The following ANKRD55 variants were observed in gnomAD, a reference collection of about 807,000 sequenced individuals.
ANKRD55 encodes the protein ankyrin repeat domain-containing protein 55.
In ANKRD55, 41 loss-of-function variants were observed where a neutral mutation model predicts 60.6. The observed-to-expected ratio is 0.68, with a 90% CI of 0.53 to 0.88. The LOEUF (loss-of-function observed/expected upper bound fraction) is 0.88. Among genes scored for constraint, ANKRD55 ranks in the 40% least tolerant of loss-of-function variants. The pLI is 0.00. For missense variants in ANKRD55, 732 were observed against 767.6 expected, an observed-to-expected ratio of 0.95 and a Z score of 0.55; for synonymous variants, 264 against 290.3, an observed-to-expected ratio of 0.91 and a Z score of 0.92.
rs1228528929 is a variant in ANKRD55 at position 56,116,721 on chromosome 5, A to G, written c.859T>C (p.Leu287=). The part of the protein sequence containing the change: ...KAECVQSLLE[L]GMDSNLRDIN... ...TCCCGCAGGTTGCTGTCCATTCCCA[A>G]CTCCAGCAGTGACTGGACACATTCG... is the stretch of plus-strand genomic sequence containing the variant. The change falls in exon 9 of 12, where the codon TTG becomes CTG. Residue 287 remains leucine (L), a synonymous_variant. Coordinates refer to ENST00000341048, the MANE Select transcript of ANKRD55 (RefSeq NM_024669.3). The G allele has an allele frequency of 3.1e-6, 5 of 1,613,852 alleles. No homozygotes were observed. The highest frequency in any genetic ancestry group is 2.2e-5 in the East Asian group (1 of 44,834).
chr5:56,219,457 C>G (rs1362278612), intron 2 of ANKRD55, among the ~76,000 whole-genome samples: 1 of 152,144 alleles, frequency 6.6e-6, no homozygotes, highest in Non-Finnish European at 1.5e-5. Context: ...CATTAATGAG[C>G]AAGTGCCCTT....
At chr5:56,227,179 T>C (rs1298215413) in intron 2 of ANKRD55, among the ~76,000 whole-genome samples, 3 of 152,046 alleles carry the variant, frequency 2.0e-5, no homozygotes, top group African/African-American at 7.2e-5. Context: ...TGAGTTCATG[T>C]CCTTTGTAAG....
intron 2 of ANKRD55, among the ~76,000 whole-genome samples, chr5:56,191,806 C>T (rs548720470): frequency 6.6e-6 from 1 of 152,240 alleles, no homozygotes; most frequent in East Asian, 1.9e-4. Context: ...TAAACCACAG[C>T]ACAACAAGGA....
chr5:56,109,748 G>A (rs528693469), intron 10 of ANKRD55, among the ~76,000 whole-genome samples: 7 of 152,224 alleles, frequency 4.6e-5, no homozygotes, highest in Admixed American at 2.0e-4. Flanking sequence ...TATGCCAGGC[G>A]CGGTGGCTCA....
chr5:56,140,291 C>T (rs1204844433), intron 7 of ANKRD55, among the ~76,000 whole-genome samples: 2 of 152,158 alleles, frequency 1.3e-5, no homozygotes, highest in Non-Finnish European at 2.9e-5. Flanking sequence ...TGGAATTACC[C>T]TCAGTCTTTG....
chr5:56,160,031 T>G, intron 5 of ANKRD55, 138 bp from the exon 6 acceptor site: 1 of 675,050 alleles, frequency 1.5e-6, no homozygotes, highest in Non-Finnish European at 2.6e-6. Context: ...TCCGTTTCTC[T>G]GGGAAAAAGA....
chr5:56,228,548 C>G lies in ANKRD55; in HGVS notation c.58+4308G>C, dbSNP rs183758233. Among the ~76,000 whole-genome samples, 263 of 152,068 alleles carry G rather than the reference C, an allele frequency of 1.7e-3. 1 individual carries two copies. Among genetic ancestry groups the G allele is most frequent in the African/African-American group, 6.0e-3 (247 of 41,474 alleles). On this transcript the variant is annotated intron_variant, in intron 2 of 11. Transcript: ENST00000341048. Reference sequence around the variant, plus strand: ...TCAAGCAATTCTTGTGCCTCAGCCTCCCAAGTAGCTGGGACTACAGGCGCA... The same window carrying G: ...TCAAGCAATTCTTGTGCCTCAGCCTGCCAAGTAGCTGGGACTACAGGCGCA...
intron 7 of ANKRD55, among the ~76,000 whole-genome samples, chr5:56,135,218 C>A (rs976320255): frequency 0.048 from 1,638 of 33,960 alleles, 22 homozygotes; most frequent in Non-Finnish European, 0.069. Flanking sequence ...AACTTTCCTT[C>A]CTTCCTTCCT....
chr5:56,166,158 T>TTTCTTTCTTCCTTCCTTCCTTCC lies in ANKRD55; in HGVS notation c.422+4535_422+4536insGGAAGGAAGGAAGGAAGAAAGAA, dbSNP rs1554040812. On this transcript the variant is annotated intron_variant, in intron 5 of 11. Transcript: ENST00000341048. Reference sequence around the variant, plus strand: ...TCTTTCTTTCTTTCTTTCTTTCTTCTTTCCTTCCTTCCTTCCTTCCTTCCT... The same window carrying TTTCTTTCTTCCTTCCTTCCTTCC: ...TCTTTCTTTCTTTCTTTCTTTCTTCTTTCTTTCTTCCTTCCTTCCTTCCTTCCTTCCTTCCTTCCTTCCTTCCT... Among the ~76,000 whole-genome samples, 20 of 72,456 alleles carry TTTCTTTCTTCCTTCCTTCCTTCC rather than the reference T, an allele frequency of 2.8e-4. 1 individual carries two copies. Among genetic ancestry groups the TTTCTTTCTTCCTTCCTTCCTTCC allele is most frequent in the South Asian group, 9.0e-4 (2 of 2,224 alleles). The allele number at this position is 72,456 out of a possible 152,430, so 47.5% of individuals were successfully genotyped here. A position where few individuals can be genotyped will look rare whatever the true frequency, so the allele number is the denominator to read the frequency against.
chr5:56,183,496 T>G lies in ANKRD55; in HGVS notation c.181+16A>C. The G allele has an allele frequency of 6.2e-7, 1 of 1,613,202 alleles. No individual in the cohort carries two copies. Among genetic ancestry groups the G allele is most frequent in the Non-Finnish European group, 8.5e-7 (1 of 1,179,650 alleles). On this transcript the variant is annotated intron_variant, in intron 3 of 11. Coordinates refer to ENST00000341048, the MANE Select transcript of ANKRD55 (RefSeq NM_024669.3). ...AGAGCAGAACATTCTGGATTCAAAATGCATACATATCTCACCTTCACTGTC... is the reference window on the plus strand; with the variant it reads ...AGAGCAGAACATTCTGGATTCAAAAGGCATACATATCTCACCTTCACTGTC...
intron 4 of ANKRD55, among the ~76,000 whole-genome samples, chr5:56,175,246 A>T (rs1361368996): frequency 6.6e-6 from 1 of 152,204 alleles, no homozygotes; most frequent in Non-Finnish European, 1.5e-5. Context: ...GAAGTGATTT[A>T]ATTCAGCAGG....
chr5:56,155,989 A>G (rs1758185310), intron 6 of ANKRD55, among the ~76,000 whole-genome samples: 1 of 152,236 alleles, frequency 6.6e-6, no homozygotes, highest in Non-Finnish European at 1.5e-5. Context: ...TCAGTGATTT[A>G]AAGCAAAACC....
chr5:56,121,552 T>C (rs1394757247), intron 8 of ANKRD55, among the ~76,000 whole-genome samples: 1 of 152,024 alleles, frequency 6.6e-6, no homozygotes, highest in African/African-American at 2.4e-5. Flanking sequence ...TTTGTATTTT[T>C]AGTAGAGATG....
At chr5:56,127,150 GT>G in intron 7 of ANKRD55, 44 bp from the exon 8 acceptor site, 1 of 1,489,538 alleles carries the variant, frequency 6.7e-7, no homozygotes, top group Non-Finnish European at 9.0e-7. Context: ...ACAATCCAGT[GT>G]TCTTCTCTGT....
intron 7 of ANKRD55, among the ~76,000 whole-genome samples, chr5:56,130,300 T>C (rs1223671625): frequency 6.6e-6 from 1 of 152,170 alleles, no homozygotes; most frequent in African/African-American, 2.4e-5. Flanking sequence ...TAATTGACCT[T>C]AGGGAAGAAA....
intron 2 of ANKRD55, among the ~76,000 whole-genome samples, chr5:56,215,692 CT>C (rs1164263685): frequency 5.3e-5 from 8 of 152,192 alleles, no homozygotes; most frequent in Non-Finnish European, 1.2e-4. Flanking sequence ...CAGCCTTGTC[CT>C]TTGTCCTGTG....
chr5:56,102,352 T>G (rs1454637923), intron 11 of ANKRD55, 142 bp downstream of exon 11: 5 of 496,736 alleles, frequency 1.0e-5, no homozygotes, highest in African/African-American at 4.0e-5. Context: ...ATCATGTTCA[T>G]TGCACTCTAG....
intron 2 of ANKRD55, among the ~76,000 whole-genome samples, chr5:56,214,079 A>G (rs945128217): frequency 3.3e-5 from 5 of 152,194 alleles, no homozygotes; most frequent in African/African-American, 1.2e-4. Context: ...CATTTATAAG[A>G]CCATCAGATC....
At chr5:56,165,594 C>T (rs1018642948) in intron 5 of ANKRD55, among the ~76,000 whole-genome samples, 2 of 152,172 alleles carry the variant, frequency 1.3e-5, no homozygotes, top group African/African-American at 4.8e-5. Context: ...TCCTTTACTT[C>T]TGCCTACTTC....
Sources: gnomAD v4.1 joint callset for allele counts (sites outside exome capture counted in the v4.1 genomes callset) on GRCh38, gnomAD v4.1.1 for gene constraint, MANE v1.5 for transcripts, NCBI Gene and HGNC (gene_info 2026-07-23, HGNC 2026-07-21) for gene names.